The following CORIN variants were observed in gnomAD, a reference collection of about 807,000 sequenced individuals.
The protein encoded by CORIN is atrial natriuretic peptide-converting enzyme.
A neutral mutation model predicts 125.3 loss-of-function variants in CORIN; 117 were observed. The ratio of observed to expected loss-of-function variants is 0.93; its 90% CI spans 0.80 to 1.09. The LOEUF is 1.09. Ranked by LOEUF, CORIN falls within the 50% of genes least tolerant of loss-of-function variation. CORIN has a pLI of 0.00. For missense variants in CORIN, 1,253 were observed against 1,306.7 expected (o/e 0.96, Z 0.63); for synonymous variants, 450 against 466.4 (o/e 0.96, Z 0.45).
intron 4 of CORIN, among the ~76,000 whole-genome samples, chr4:47,753,572 A>G (rs1341865115): frequency 1.3e-5 from 2 of 152,084 alleles, no homozygotes; most frequent in East Asian, 1.9e-4. Flanking sequence ...CCTTCCCCAG[A>G]GTATTAATTA....
At chr4:47,626,555 AG>A (rs1166746380) in intron 16 of CORIN, 34 bp from the exon 17 acceptor site, 11 of 1,284,288 alleles carry the variant, frequency 8.6e-6, no homozygotes, top group Admixed American at 1.7e-5. Flanking sequence ...AAGTATTCAA[AG>A]TACAATGATC....
intron 1 of CORIN, among the ~76,000 whole-genome samples, chr4:47,808,525 G>T (rs756604088): frequency 3.9e-5 from 6 of 152,184 alleles, no homozygotes; most frequent in Non-Finnish European, 7.3e-5. Context: ...ATAATATGAT[G>T]ACACCTTCTG....
chr4:47,664,363 A>G (rs531490664), intron 11 of CORIN, among the ~76,000 whole-genome samples: 1 of 152,222 alleles, frequency 6.6e-6, no homozygotes, highest in East Asian at 1.9e-4. Flanking sequence ...CAACCCAACA[A>G]CCATTACTAT....
chr4:47,783,637 T>C (rs1466469126), intron 3 of CORIN, among the ~76,000 whole-genome samples: 1 of 152,116 alleles, frequency 6.6e-6, no homozygotes, highest in Non-Finnish European at 1.5e-5. Context: ...AACATCTTAA[T>C]TTGAGCATAA....
intron 13 of CORIN, chr4:47,652,577 C>G (rs907054204): frequency 2.0e-5 from 3 of 152,216 alleles, no homozygotes; most frequent in Non-Finnish European, 2.9e-5. Flanking sequence ...TGTCTGACTT[C>G]TATTCCCTAA....
intron 2 of CORIN, among the ~76,000 whole-genome samples, chr4:47,799,490 G>C (rs1297289032): frequency 1.3e-5 from 2 of 151,960 alleles, no homozygotes; most frequent in Non-Finnish European, 2.9e-5. Context: ...CTGTGGTTTT[G>C]ATTTGTATCT....
intron 4 of CORIN, among the ~76,000 whole-genome samples, chr4:47,754,822 C>T (rs1211190883): frequency 6.6e-6 from 1 of 152,202 alleles, no homozygotes; most frequent in East Asian, 1.9e-4. Flanking sequence ...TCAGCCCATT[C>T]TTTCTGAAGG....
intron 12 of CORIN, among the ~76,000 whole-genome samples, chr4:47,656,152 ATTTTT>A (rs199763449): frequency 7.5e-6 from 1 of 133,712 alleles, no homozygotes; most frequent in Non-Finnish European, 1.6e-5. Flanking sequence ...ACCATTTAGG[ATTTTT>A]TTTTTTTTTT....
intron 15 of CORIN, chr4:47,642,748 G>C: frequency 1.0e-6 from 1 of 993,704 alleles, no homozygotes; most frequent in Non-Finnish European, 1.4e-6. Context: ...TAGAAGTCTT[G>C]GACCTGAAGA....
chr4:47,688,385 G>A (rs1725615849), intron 6 of CORIN, among the ~76,000 whole-genome samples: 1 of 152,130 alleles, frequency 6.6e-6, no homozygotes, highest in Non-Finnish European at 1.5e-5. Context: ...TGATCACTTT[G>A]AGCTCAGGAG....
intron 10 of CORIN, among the ~76,000 whole-genome samples, chr4:47,668,879 T>C (rs953486111): frequency 2.6e-5 from 4 of 152,232 alleles, no homozygotes; most frequent in Non-Finnish European, 5.9e-5. Context: ...TTGAGTTTTA[T>C]TCCTTTAAAG....
chr4:47,616,551 G>A (rs1297996482), intron 19 of CORIN, among the ~76,000 whole-genome samples: 2 of 152,296 alleles, frequency 1.3e-5, no homozygotes, highest in Admixed American at 6.5e-5. Flanking sequence ...CAAGAAGGAT[G>A]TAGTGATAAA....
At chr4:47,658,691 G>A (rs183472496) in intron 12 of CORIN, among the ~76,000 whole-genome samples, 249 of 152,318 alleles carry the variant, frequency 1.6e-3, no homozygotes, top group Middle Eastern at 3.4e-3. Context: ...GTGATGGGAG[G>A]GGCTGCCTGG....
At chr4:47,631,427 C>A (rs562338678) in intron 16 of CORIN, among the ~76,000 whole-genome samples, 20 of 152,028 alleles carry the variant, frequency 1.3e-4, no homozygotes, top group Middle Eastern at 3.4e-3. Context: ...TTGTGAACTG[C>A]GCATGCAAGG....
intron 5 of CORIN, among the ~76,000 whole-genome samples, chr4:47,733,505 A>G (rs1727984161): frequency 6.6e-6 from 1 of 152,238 alleles, no homozygotes; most frequent in Admixed American, 6.5e-5. Context: ...CAGAGCAAAT[A>G]AGGTGCTATG....
At chr4:47,603,280 T>G in intron 20 of CORIN, 117 bp downstream of exon 20, 1 of 1,059,082 alleles carries the variant, frequency 9.4e-7, no homozygotes, top group Non-Finnish European at 1.4e-6. Flanking sequence ...GTAGGTTTCC[T>G]GAGGCCTCCC....
intron 1 of CORIN, among the ~76,000 whole-genome samples, chr4:47,808,874 C>T (rs1356564039): frequency 2.6e-5 from 4 of 152,156 alleles, no homozygotes; most frequent in East Asian, 1.9e-4. Context: ...GTGATGGATA[C>T]GACAATGACT....
At chr4:47,667,325 A>G (rs1459181991) in intron 10 of CORIN, among the ~76,000 whole-genome samples, 5 of 152,116 alleles carry the variant, frequency 3.3e-5, no homozygotes, top group African/African-American at 4.8e-5. Flanking sequence ...ACTCCTTCCA[A>G]TGATAAATGT....
intron 3 of CORIN, among the ~76,000 whole-genome samples, chr4:47,784,093 C>T (rs936361796): frequency 1.3e-5 from 2 of 151,942 alleles, no homozygotes; most frequent in East Asian, 3.8e-4. Flanking sequence ...AAATTCACAC[C>T]GTGAAAAATG....
Sources: gnomAD v4.1 joint callset for allele counts (sites outside exome capture counted in the v4.1 genomes callset) on GRCh38, gnomAD v4.1.1 for gene constraint, MANE v1.5 for transcripts, NCBI Gene and HGNC (gene_info 2026-07-23, HGNC 2026-07-21) for gene names.